POSTN: variants seen among roughly 807,000 people sequenced by gnomAD.
POSTN encodes the protein osteoblast specific factor 2 (fasciclin I-like).
In POSTN, 71 loss-of-function variants were observed where a neutral mutation model predicts 104.5. That is an observed-to-expected ratio of 0.68 (90% CI 0.56 to 0.83). The LOEUF is 0.83. Ranked by LOEUF, POSTN falls within the 40% of genes least tolerant of loss-of-function variation. POSTN has a pLI of 0.00. For synonymous variants in POSTN, 355 were observed against 340.7 expected, an observed-to-expected ratio of 1.04 and a Z score of -0.46; for missense variants, 949 against 1,006.8, an observed-to-expected ratio of 0.94 and a Z score of 0.78.
intron 2 of POSTN, among the ~76,000 whole-genome samples, chr13:37,593,361 T>C (rs1262520873): frequency 2.0e-5 from 3 of 150,768 alleles, no homozygotes; most frequent in Non-Finnish European, 3.0e-5. Flanking sequence ...ATAGAATATT[T>C]TCTGGACTTC....
chr13:37,584,130 A>G (rs1000388002), intron 8 of POSTN, 27 bp from the exon 9 acceptor site: 4 of 1,612,474 alleles, frequency 2.5e-6, no homozygotes, highest in Non-Finnish European at 2.5e-6. Context: ...CACCATCACA[A>G]CAATGTCATC....
chr13:37,582,887 G>A (rs921922753), intron 9 of POSTN, among the ~76,000 whole-genome samples: 3 of 152,084 alleles, frequency 2.0e-5, no homozygotes, highest in Non-Finnish European at 4.4e-5. Flanking sequence ...TGAATCCTTT[G>A]TAAATTAATC....
chr13:37,563,825 A>G (rs1949999499), intron 22 of POSTN, among the ~76,000 whole-genome samples: 1 of 151,968 alleles, frequency 6.6e-6, no homozygotes, highest in African/African-American at 2.4e-5. Flanking sequence ...TAGCTTCCAC[A>G]AGGGAAATTC....
chr13:37,575,341 T>C (rs1254126006), intron 16 of POSTN, among the ~76,000 whole-genome samples: 1 of 151,862 alleles, frequency 6.6e-6, no homozygotes, highest in Admixed American at 6.6e-5. Context: ...AGTAAGATAA[T>C]AGTCTTTGAA....
rs1950673545 is a variant in POSTN at position 37,583,960 on chromosome 13, A to G, written c.1243+9T>C. The G allele has an allele frequency of 1.2e-6, 2 of 1,613,250 alleles. No homozygotes were observed. The highest frequency in any genetic ancestry group is 1.3e-5 in the African/African-American group (1 of 75,040). On this transcript the variant is annotated intron_variant, in intron 9 of 22. Transcript: ENST00000379747. ...GCAGAGAGCAGGAACAACAGTGTCC[A>G]GCACATACCAGAAAATGCATTATTC...
intron 21 of POSTN, among the ~76,000 whole-genome samples, chr13:37,567,710 C>G (rs151321710): frequency 6.6e-6 from 1 of 152,184 alleles, no homozygotes; most frequent in Non-Finnish European, 1.5e-5. Flanking sequence ...AAGGAATAAA[C>G]TTCTGGGATG....
chr13:37,591,841 G>A (rs1309684871), intron 3 of POSTN, among the ~76,000 whole-genome samples: 1 of 152,164 alleles, frequency 6.6e-6, no homozygotes, highest in Non-Finnish European at 1.5e-5. Context: ...TTTGTAAAGA[G>A]TTTTGTTCCT....
chr13:37,572,191 A>G (rs551660621), intron 17 of POSTN, among the ~76,000 whole-genome samples: 24 of 151,804 alleles, frequency 1.6e-4, no homozygotes, highest in African/African-American at 5.5e-4. Flanking sequence ...TGTTTCACAG[A>G]GGAGTAAGAA....
rs1950210664 is a variant in POSTN at position 37,569,763 on chromosome 13, CAG to C, written c.2326_2327del (p.Leu776GlufsTer16). 1 of 1,601,666 alleles carries C rather than the reference CAG, an allele frequency of 6.2e-7. No homozygotes were observed. Among genetic ancestry groups the C allele is most frequent in the East Asian group, 2.2e-5 (1 of 44,752 alleles). On this transcript the variant is annotated frameshift_variant, in exon 20 of 23. Transcript: ENST00000379747. LOFTEE classifies it high-confidence loss of function. ...STGGGETEET[L>X]KKLLQEEVTK... Reference sequence around the variant, plus strand: ...GCTGACCTTCTTGTAACAATTTCTTCAGAGTTTCTTCTGTTTCTCCACCTCCA... The same window carrying C: ...GCTGACCTTCTTGTAACAATTTCTTCAGTTTCTTCTGTTTCTCCACCTCCA...
At chr13:37,569,451 C>A in intron 20 of POSTN, 68 bp from the exon 21 acceptor site, 1 of 1,190,994 alleles carries the variant, frequency 8.4e-7, no homozygotes, top group South Asian at 1.2e-5. Context: ...GACTTTATGT[C>A]ATAAATAATG....
chr13:37,571,511 T>C, intron 17 of POSTN, 53 bp from the exon 18 acceptor site: 1 of 1,335,922 alleles, frequency 7.5e-7, no homozygotes, highest in Non-Finnish European at 1.1e-6. Context: ...TCCTTTAAAT[T>C]TACCGGAATA....
At chr13:37,570,063 A>C (rs1950220233) in intron 19 of POSTN, among the ~76,000 whole-genome samples, 4 of 151,984 alleles carry the variant, frequency 2.6e-5, no homozygotes, top group African/African-American at 9.7e-5. Flanking sequence ...CTAATTGTTT[A>C]AACAAATACT....
chr13:37,579,942 G>T lies in POSTN; in HGVS notation c.1579C>A (p.Gln527Lys), dbSNP rs1950528673. 1 of 1,613,440 alleles carries T rather than the reference G, an allele frequency of 6.2e-7. No individual in the cohort carries two copies. Among genetic ancestry groups the T allele is most frequent in the Admixed American group, 1.7e-5 (1 of 60,010 alleles). The part of the protein sequence containing the change: ...EAADLKELLT[Q>K]PGDWTLFVPT... ...ACAAATAATGTCCAGTCTCCAGGTT[G>T]TGTCAGGAGCTCTTTCAAGTCTGCA... Residue 527 changes from glutamine to lysine, a missense_variant, in exon 12 of 23, where the codon CAA becomes AAA. Physicochemically the swap from Gln to Lys is moderately conservative, Grantham distance 53 (BLOSUM62 1). Transcript: ENST00000379747.
chr13:37,576,227 A>T (rs1950405541), intron 16 of POSTN, among the ~76,000 whole-genome samples: 5 of 152,190 alleles, frequency 3.3e-5, no homozygotes, highest in Non-Finnish European at 7.4e-5. Flanking sequence ...GCAGCAAAAA[A>T]TTATAGGAAT....
intron 4 of POSTN, among the ~76,000 whole-genome samples, chr13:37,588,704 A>G (rs772623384): frequency 6.6e-6 from 1 of 152,192 alleles, no homozygotes; most frequent in African/African-American, 2.4e-5. Context: ...GAATGCCAAG[A>G]GAGCAAAAGT....
intron 4 of POSTN, among the ~76,000 whole-genome samples, 167 bp from the exon 5 acceptor site, chr13:37,588,153 A>G (rs111601383): frequency 6.6e-6 from 1 of 152,246 alleles, no homozygotes; most frequent in African/African-American, 2.4e-5. Context: ...TGGTTAAGGG[A>G]TTTTGTAAGT....
At position 37,597,229 on chromosome 13, in the gene POSTN, C is replaced by G. The variant is rs765613250; in HGVS notation, c.173G>C (p.Ser58Thr). ...CTTTTTATACCAGTTCTTACAAGTGCTGAAGTATTTCTTTTTGGTGCCCAA... is the reference window on the plus strand; with the variant it reads ...CTTTTTATACCAGTTCTTACAAGTGGTGAAGTATTTCTTTTTGGTGCCCAA... ...QILGTKKKYFSTCKNWYKKSI... is the reference protein window; with the variant it reads ...QILGTKKKYFTTCKNWYKKSI... Residue 58 changes from serine (S) to threonine (T), a missense_variant, in exon 2 of 23, where the codon AGC becomes ACC. Physicochemically the swap from Ser to Thr is moderately conservative, Grantham distance 58. Coordinates refer to ENST00000379747, the MANE Select transcript of POSTN (RefSeq NM_006475.3). 6.3e-7 allele frequency: 1 copy of G among 1,585,362 alleles called. No individual in the cohort carries two copies. The highest frequency in any genetic ancestry group is 1.9e-5 in the Admixed American group (1 of 53,798).
chr13:37,585,040 T>C, intron 7 of POSTN, 112 bp from the exon 8 acceptor site: 1 of 1,454,562 alleles, frequency 6.9e-7, no homozygotes. Context: ...TAGTAAAACC[T>C]AAGGATTCAC....
At chr13:37,570,831 A>C in intron 18 of POSTN, 162 bp from the exon 19 acceptor site, 1 of 565,352 alleles carries the variant, frequency 1.8e-6, no homozygotes, top group Non-Finnish European at 3.1e-6. Context: ...TCATATCAAT[A>C]GGGATCTAAA....
Sources: allele counts gnomAD v4.1 joint callset (sites outside exome capture counted in the v4.1 genomes callset), GRCh38; gene constraint gnomAD v4.1.1; transcripts MANE v1.5; gene names NCBI Gene and HGNC (gene_info 2026-07-23, HGNC 2026-07-21).